PGD: variants seen among roughly 807,000 people sequenced by gnomAD.
PGD encodes 6-phosphogluconate dehydrogenase, decarboxylating.
In PGD, 21 loss-of-function variants were observed where a neutral mutation model predicts 60.4. The observed-to-expected ratio is 0.35, with a 90% CI of 0.25 to 0.50. The LOEUF (loss-of-function observed/expected upper bound fraction) is 0.50, where lower values mean the gene tolerates loss of function less well. Ranked by LOEUF, PGD falls within the 20% of genes least tolerant of loss-of-function variation. PGD has a pLI of 0.98. For missense variants in PGD, 477 were observed against 613.1 expected, an observed-to-expected ratio of 0.78 and a Z score of 2.34; for synonymous variants, 230 against 235.9, an observed-to-expected ratio of 0.97 and a Z score of 0.23.
chr1:10,417,063 C>T lies in PGD; in HGVS notation c.921C>T (p.Pro307=), dbSNP rs1248792214. 2 of 1,613,988 alleles carry T rather than the reference C, an allele frequency of 1.2e-6. No individual in the cohort carries two copies. Among genetic ancestry groups the T allele is most frequent in the Non-Finnish European group, 1.7e-6 (2 of 1,179,908 alleles). ...RIQASKKLKG[P]QKFQFDGDKK... ...AAGCTAGCAAAAAGCTGAAGGGTCC[C>T]CAGAAGTTCCAGTTTGATGGTGATA... Residue 307 remains proline (P), a synonymous_variant, in exon 9 of 13, where the codon CCC becomes CCT. Coordinates refer to ENST00000270776, the MANE Select transcript of PGD (RefSeq NM_002631.4).
chr1:10,400,643 T>C, intron 3 of PGD, 71 bp downstream of exon 3: 1 of 1,206,922 alleles, frequency 8.3e-7, no homozygotes, highest in South Asian at 1.5e-5. Context: ...TAGTTCTCCT[T>C]CTTTTAACTC....
intron 3 of PGD, 49 bp from the exon 4 acceptor site, chr1:10,403,022 A>G (rs1639340651): frequency 1.7e-6 from 2 of 1,159,320 alleles, no homozygotes; most frequent in Non-Finnish European, 1.3e-6. Flanking sequence ...TTAATTTGCC[A>G]AGGTATGTTT....
At chr1:10,416,793 G>T (rs536607599) in intron 8 of PGD, among the ~76,000 whole-genome samples, 194 bp from the exon 9 acceptor site, 1 of 152,170 alleles carries the variant, frequency 6.6e-6, no homozygotes, top group East Asian at 1.9e-4. Flanking sequence ...CAGTTAAGGT[G>T]GGGCAGGAAC....
chr1:10,405,425 C>CACACATAT (rs548786254), intron 5 of PGD, among the ~76,000 whole-genome samples: 1 of 149,456 alleles, frequency 6.7e-6, no homozygotes, highest in African/African-American at 2.5e-5. Flanking sequence ...CACACACACA[C>CACACATAT]ATATATATAA....
rs1168381339 is a variant in PGD, at chr1:10,419,973, TGA to T, written c.*228_*229del. 2 of 542,264 alleles carry T rather than the reference TGA, an allele frequency of 3.7e-6. No homozygotes were observed. Among genetic ancestry groups the T allele is most frequent in the Non-Finnish European group, 6.6e-6 (2 of 303,282 alleles). The allele number at this position is 542,264 out of a possible 1,614,324, so 33.6% of individuals were successfully genotyped here. Reference sequence around the variant, plus strand: ...ACTGACCAGGAGCTGCTCATGTGCGTGAGAGTGGGAACCATCTCCTTGCGGCA... The same window carrying T: ...ACTGACCAGGAGCTGCTCATGTGCGTGAGTGGGAACCATCTCCTTGCGGCA... On this transcript the variant is annotated 3_prime_UTR_variant, in exon 13 of 13. Transcript: ENST00000270776.
At chr1:10,401,754 G>A (rs1308503536) in intron 3 of PGD, among the ~76,000 whole-genome samples, 1 of 152,150 alleles carries the variant, frequency 6.6e-6, no homozygotes, top group Admixed American at 6.6e-5. Context: ...GGTGGCTCAC[G>A]CCTGTAATCC....
intron 10 of PGD, 34 bp from the exon 11 acceptor site, chr1:10,418,792 A>T (rs781218802): frequency 3.8e-5 from 40 of 1,042,448 alleles, no homozygotes; most frequent in Non-Finnish European, 5.6e-5. Context: ...AAAAAAAAAG[A>T]CTCATTGCTT....
rs1639354867 is a variant in PGD at position 10,403,795 on chromosome 1, G to T, written c.331-366G>T. Among the ~76,000 whole-genome samples the T allele has an allele frequency of 2.0e-5, 3 of 152,268 alleles. No homozygotes were observed. The South Asian group carries it at 6.2e-4, about 32-fold the overall frequency. ...TATCAAATGCTGAGGGAATTCCTGT[G>T]TGCTCTGAAGTGCTGAATGGCATTA... On this transcript the variant is annotated intron_variant, in intron 4 of 12. Transcript: ENST00000270776.
At chr1:10,399,973 G>A in intron 2 of PGD, 1 of 552,440 alleles carries the variant, frequency 1.8e-6, no homozygotes, top group Non-Finnish European at 3.3e-6. Flanking sequence ...GAAGGGTGCG[G>A]GAGGAGAACC....
chr1:10,399,900 G>A (rs1639286699), intron 2 of PGD, 196 bp downstream of exon 2: 1 of 606,564 alleles, frequency 1.6e-6, no homozygotes, highest in African/African-American at 1.8e-5. Flanking sequence ...GTCCTGCGGA[G>A]TGTGCCTGTG....
At chr1:10,406,194 G>A (rs1224036205) in intron 5 of PGD, among the ~76,000 whole-genome samples, 1 of 152,080 alleles carries the variant, frequency 6.6e-6, no homozygotes, top group East Asian at 1.9e-4. Context: ...AATGAGTCTG[G>A]GGATTCTCTT....
At chr1:10,412,543 T>G (rs1279453084) in intron 7 of PGD, among the ~76,000 whole-genome samples, 2 of 152,220 alleles carry the variant, frequency 1.3e-5, no homozygotes, top group Admixed American at 6.5e-5. Context: ...TTTGTGTTCA[T>G]TTTTTATTGG....
chr1:10,406,524 C>T (rs1639408526), intron 5 of PGD, among the ~76,000 whole-genome samples: 1 of 152,126 alleles, frequency 6.6e-6, no homozygotes, highest in Non-Finnish European at 1.5e-5. Flanking sequence ...GTTCTCTTTC[C>T]TCATACTGTG....
At chr1:10,418,958 C>T (rs769091238) in intron 11 of PGD, 33 bp downstream of exon 11, 3 of 1,171,796 alleles carry the variant, frequency 2.6e-6, no homozygotes, top group Admixed American at 3.6e-5. Flanking sequence ...CATGGTTACT[C>T]TACCTCCCTG....
At chr1:10,412,808 T>A in intron 7 of PGD, 2 of 422,172 alleles carry the variant, frequency 4.7e-6, no homozygotes, top group Non-Finnish European at 8.7e-6. Flanking sequence ...GAGACCTAAG[T>A]GAAGTGAGGA....
intron 1 of PGD, among the ~76,000 whole-genome samples, 181 bp downstream of exon 1, chr1:10,399,306 G>A (rs1569963649): frequency 6.6e-6 from 1 of 152,230 alleles, no homozygotes; most frequent in African/African-American, 2.4e-5. Flanking sequence ...TGCGGGCCCG[G>A]CCCCCTGCCC....
chr1:10,411,300 G>A (rs528431131), intron 6 of PGD, 118 bp from the exon 7 acceptor site: 46 of 1,088,050 alleles, frequency 4.2e-5, no homozygotes, highest in Non-Finnish European at 5.2e-5. Flanking sequence ...TTTTATACTT[G>A]TTATTTTTTG....
In PGD at chr1:10,399,094, T is replaced by G; in HGVS notation, c.-24T>G. 6.2e-7 allele frequency: 1 copy of G among 1,609,530 alleles called. No homozygotes were observed. Among genetic ancestry groups the G allele is most frequent in the Non-Finnish European group, 8.5e-7 (1 of 1,179,568 alleles). ...ACTCGTCCTCCGCGCGTCGCCGCTC[T>G]TCGGTTCTGCTCTGTCCGCCGCCAT... On this transcript the variant is annotated 5_prime_UTR_variant, in exon 1 of 13. Transcript: ENST00000270776.
chr1:10,419,166 C>T (rs962171852), intron 11 of PGD, among the ~76,000 whole-genome samples: 4 of 146,048 alleles, frequency 2.7e-5, no homozygotes, highest in Non-Finnish European at 6.0e-5. Context: ...TGCCAACATA[C>T]CTGGCTAATT....
Sources: allele counts gnomAD v4.1 joint callset (sites outside exome capture counted in the v4.1 genomes callset), GRCh38; gene constraint gnomAD v4.1.1; transcripts MANE v1.5; gene names NCBI Gene and HGNC (gene_info 2026-07-23, HGNC 2026-07-21).